Variants in TRIM38 observed in about 807,000 individuals in gnomAD.
TRIM38 encodes tripartite motif containing 38, also known as E3 ubiquitin-protein ligase TRIM38.
In TRIM38, 35 loss-of-function variants were observed where a neutral mutation model predicts 35.8. The ratio of observed to expected loss-of-function variants is 0.98; its 90% confidence interval spans 0.75 to 1.30. The LOEUF (loss-of-function observed/expected upper bound fraction) is 1.30, where lower values mean the gene tolerates loss of function less well. Ranked by LOEUF, TRIM38 falls within the 50% of genes most tolerant of loss-of-function variation. TRIM38 has a pLI of 0.00. For missense variants in TRIM38, 545 were observed against 556.9 expected (o/e 0.98, Z 0.21); for synonymous variants, 198 against 204.7 (o/e 0.97, Z 0.28).
At position 25,966,880 on chromosome 6, in the gene TRIM38, C is replaced by A. The variant is rs944762615; in HGVS notation, c.358C>A (p.Gln120Lys). Residue 120 changes from glutamine (Q) to lysine (K), a missense_variant, in exon 3 of 8, where the codon CAG (glutamine) becomes AAG (lysine). Physicochemically the swap from Gln to Lys is moderately conservative, Grantham distance 53. Transcript: ENST00000357085. Reference protein sequence around the residue: ...LICWRCERAPQHKGHTTALVE... With the variant: ...LICWRCERAPKHKGHTTALVE... Reference sequence around the variant, plus strand: ...CTGCTGGCGCTGTGAGCGGGCACCACAGCACAAAGGGCACACCACAGCTCT... The same window carrying A: ...CTGCTGGCGCTGTGAGCGGGCACCAAAGCACAAAGGGCACACCACAGCTCT... 6.2e-6 allele frequency: 10 copies of A among 1,614,034 alleles called. No individual in the cohort carries two copies. Among genetic ancestry groups the A allele is most frequent in the Non-Finnish European group, 7.6e-6 (9 of 1,180,012 alleles).
intron 2 of TRIM38, among the ~76,000 whole-genome samples, chr6:25,964,122 T>C (rs187648712): frequency 6.6e-6 from 1 of 152,216 alleles, no homozygotes; most frequent in East Asian, 1.9e-4. Flanking sequence ...AGAAAAGGCA[T>C]ACAAATTTAT....
chr6:25,977,063 T>C (rs1296780296), intron 7 of TRIM38, among the ~76,000 whole-genome samples: 1 of 152,232 alleles, frequency 6.6e-6, no homozygotes, highest in Non-Finnish European at 1.5e-5. Context: ...TGGGAACTTA[T>C]TATAGCTGAT....
chr6:25,979,081 A>G (rs1329728163), intron 7 of TRIM38, among the ~76,000 whole-genome samples: 1 of 152,078 alleles, frequency 6.6e-6, no homozygotes, highest in Non-Finnish European at 1.5e-5. Context: ...CATACACTAT[A>G]CATATATAAT....
In TRIM38 at chr6:25,988,773, A is replaced by G. The variant is rs1052998909; in HGVS notation, c.*5086A>G. On this transcript the variant is annotated 3_prime_UTR_variant, in exon 8 of 8. Coordinates refer to ENST00000357085, the MANE Select transcript of TRIM38 (RefSeq NM_006355.5). ...TCTTTTTAACTCTAAATAACATTCCATTATTCAGAAGTACCACAGTTATCC... is the reference window on the plus strand; with the variant it reads ...TCTTTTTAACTCTAAATAACATTCCGTTATTCAGAAGTACCACAGTTATCC... The G allele has an allele frequency of 6.6e-6, 1 of 152,160 alleles. No homozygotes were observed. Among genetic ancestry groups the G allele is most frequent in the Non-Finnish European group, 1.5e-5 (1 of 68,024 alleles). The allele number at this position is 152,160 out of a possible 1,614,324, so 9.4% of individuals were successfully genotyped here.
chr6:25,975,580 A>C (rs1760367098), intron 7 of TRIM38: 4 of 976,386 alleles, frequency 4.1e-6, no homozygotes, highest in Non-Finnish European at 4.9e-6. Context: ...GCCTTCAAGC[A>C]GATGCAACAA....
intron 4 of TRIM38, 148 bp from the exon 5 acceptor site, chr6:25,971,721 C>A: frequency 3.0e-6 from 2 of 661,360 alleles, no homozygotes; most frequent in Non-Finnish European, 5.1e-6. Flanking sequence ...ACAATATTTG[C>A]CCTTTTGTTT....
chr6:25,969,097 T>C (rs1760148114), intron 3 of TRIM38, among the ~76,000 whole-genome samples: 1 of 152,248 alleles, frequency 6.6e-6, no homozygotes. Context: ...AGTCTCATTT[T>C]CTACAGCACA....
In TRIM38 at chr6:25,979,369, C is replaced by T. The variant is rs928187128; in HGVS notation, c.875-3795C>T. Among the ~76,000 whole-genome samples, 4 of 151,960 alleles carry T rather than the reference C, an allele frequency of 2.6e-5. No homozygotes were observed. In the East Asian group the frequency reaches 7.7e-4, roughly 29 times the overall value. Reference sequence around the variant, plus strand: ...TAAAGATGCACGTTTTATTATCTGTCGGTAAAATTTAAAGTAGTGATTTCA... The same window carrying T: ...TAAAGATGCACGTTTTATTATCTGTTGGTAAAATTTAAAGTAGTGATTTCA... On this transcript the variant is annotated intron_variant, in intron 7 of 7. Coordinates refer to ENST00000357085, the MANE Select transcript of TRIM38 (RefSeq NM_006355.5).
rs1312810612 is a variant in TRIM38 at position 25,983,943 on chromosome 6, A to G, written c.*256A>G. 2.6e-6 allele frequency: 1 copy of G among 382,140 alleles called. No individual in the cohort carries two copies. The highest frequency in any genetic ancestry group is 4.3e-5 in the Admixed American group (1 of 23,220). 23.7% of individuals were successfully genotyped at this position (382,140 alleles called of 1,614,324 possible). A position where few individuals can be genotyped will look rare whatever the true frequency, so the allele number is the denominator to read the frequency against. ...TATGTTGCTGTCTCCATCCGTCTTT[A>G]ATGGGTCAGGGCTTTGATTTCCAAG... On this transcript the variant is annotated 3_prime_UTR_variant, in exon 8 of 8. Coordinates refer to ENST00000357085, the MANE Select transcript of TRIM38 (RefSeq NM_006355.5).
Position 25,977,006 on chromosome 6 carries a change from T to G in TRIM38, c.874+3721T>G, listed in dbSNP as rs1760414833. 2.0e-5 allele frequency among the ~76,000 whole-genome samples: 3 copies of G among 152,248 alleles called. No individual in the cohort carries two copies. In the South Asian group the frequency reaches 6.2e-4, roughly 32 times the overall value. On this transcript the variant is annotated intron_variant, in intron 7 of 7. Transcript: ENST00000357085. ...AGGCCTCTGTGATTTACCCATGATT[T>G]ACTGTGGTTTAATAATTTTTATTGG... is the stretch of plus-strand genomic sequence containing the variant.
chr6:25,963,443 G>GCCC (rs1759914280), intron 2 of TRIM38, among the ~76,000 whole-genome samples, 161 bp downstream of exon 2: 1 of 152,074 alleles, frequency 6.6e-6, no homozygotes, highest in African/African-American at 2.4e-5. Flanking sequence ...CTCAGAAGAG[G>GCCC]CAGGCTTTTT....
intron 7 of TRIM38, among the ~76,000 whole-genome samples, chr6:25,977,111 C>T (rs1760417873): frequency 6.6e-6 from 1 of 152,150 alleles, no homozygotes; most frequent in Non-Finnish European, 1.5e-5. Flanking sequence ...CATTTTCATC[C>T]TGTTTTTTGA....
intron 3 of TRIM38, among the ~76,000 whole-genome samples, chr6:25,967,983 G>A (rs1760116301): frequency 6.6e-6 from 1 of 152,014 alleles, no homozygotes; most frequent in Non-Finnish European, 1.5e-5. Flanking sequence ...CAGAGGGAGA[G>A]GTTTTGTGTA....
intron 4 of TRIM38, among the ~76,000 whole-genome samples, chr6:25,971,352 G>A (rs1020514062): frequency 2.6e-5 from 4 of 152,150 alleles, no homozygotes; most frequent in Non-Finnish European, 4.4e-5. Context: ...CTCTGCAGCA[G>A]GAAACTGGGG....
chr6:25,963,676 C>G (rs1759922444), intron 2 of TRIM38, among the ~76,000 whole-genome samples: 1 of 152,204 alleles, frequency 6.6e-6, no homozygotes, highest in Admixed American at 6.5e-5. Flanking sequence ...ACCCTCTGCT[C>G]TGCAGCCTTC....
rs1385921961 is a variant in TRIM38 at position 25,987,989 on chromosome 6, A to C, written c.*4302A>C. 1 of 152,218 alleles carries C rather than the reference A, an allele frequency of 6.6e-6. No individual in the cohort carries two copies. The highest frequency in any genetic ancestry group is 1.5e-5 in the Non-Finnish European group (1 of 68,038). The allele number at this position is 152,218 out of a possible 1,614,324, so 9.4% of individuals were successfully genotyped here. ...TTTACTCCGGACCAGATTGAAGACT[A>C]GCCGAAACAGGGACGAGGTTAAAGC... On this transcript the variant is annotated 3_prime_UTR_variant, in exon 8 of 8. Coordinates refer to ENST00000357085, the MANE Select transcript of TRIM38 (RefSeq NM_006355.5).
In TRIM38 at chr6:25,966,475, C is replaced by T. The variant is rs959295245; in HGVS notation, c.-48C>T. The T allele has an allele frequency of 1.3e-6, 2 of 1,526,206 alleles. No homozygotes were observed. The highest frequency in any genetic ancestry group is 1.8e-6 in the Non-Finnish European group (2 of 1,140,696). 94.5% of individuals were successfully genotyped at this position (1,526,206 alleles called of 1,614,324 possible). A position where few individuals can be genotyped will look rare whatever the true frequency, so the allele number is the denominator to read the frequency against. ...TCATCACGGTGGAAAATTCTGGCTG[C>T]TTCATCTCCATCTCTAGAGCCAATA... On this transcript the variant is annotated 5_prime_UTR_variant, in exon 3 of 8. Coordinates refer to ENST00000357085, the MANE Select transcript of TRIM38 (RefSeq NM_006355.5).
In TRIM38 at chr6:25,967,364, G is replaced by A. The variant is rs1486928664; in HGVS notation, c.411+431G>A. 2.6e-5 allele frequency among the ~76,000 whole-genome samples: 4 copies of A among 152,138 alleles called. No individual in the cohort carries two copies. The East Asian group carries it at 7.7e-4, about 29-fold the overall frequency. On this transcript the variant is annotated intron_variant, in intron 3 of 7. Transcript: ENST00000357085. ...AAACCATCAAAAATGTCTGCCTGGA[G>A]GTCCCTGGTTTTGGTGGTGGGGAGG...
At chr6:25,975,526 AT>A (rs1456971406) in intron 7 of TRIM38, 17 of 826,340 alleles carry the variant, frequency 2.1e-5, no homozygotes, top group Middle Eastern at 6.2e-4. Context: ...ATAGGAATAA[AT>A]TTTATTTTTA....
Sources: gnomAD v4.1 joint callset for allele counts (sites outside exome capture counted in the v4.1 genomes callset) on GRCh38, gnomAD v4.1.1 for gene constraint, MANE v1.5 for transcripts, NCBI Gene and HGNC (gene_info 2026-07-23, HGNC 2026-07-21) for gene names.